SRGAP2B: variants seen among roughly 807,000 people sequenced by gnomAD.
SRGAP2B encodes SLIT-ROBO Rho GTPase activating protein 2B.
SRGAP2B carries 9 observed loss-of-function variants against 22.2 expected under a neutral mutation model. The observed-to-expected ratio is 0.41, with a 90% CI of 0.24 to 0.71. The LOEUF is 0.71. Ranked by LOEUF, SRGAP2B falls within the 30% of genes least tolerant of loss-of-function variation. The probability of loss-of-function intolerance (pLI) is 0.35; values close to 1 mark genes in which losing one functional copy is unlikely to be tolerated. For missense variants in SRGAP2B, 114 were observed against 235.8 expected, an observed-to-expected ratio of 0.48 and a Z score of 3.38; for synonymous variants, 36 against 87.4, an observed-to-expected ratio of 0.41 and a Z score of 3.28.
rs1377247879 is a variant in SRGAP2B at position 144,915,401 on chromosome 1, G to A, written c.424-647C>T. On this transcript the variant is annotated intron_variant, in intron 4 of 9. Transcript: ENST00000612199. ...TGGGTTCTTTGCTGCTGCCACCCAGGGCTGACATCTAACTACATAGAGCAG... is the reference window on the plus strand; with the variant it reads ...TGGGTTCTTTGCTGCTGCCACCCAGAGCTGACATCTAACTACATAGAGCAG... 2.6e-4 allele frequency among the ~76,000 whole-genome samples: 39 copies of A among 150,654 alleles called. 3 individuals are homozygous for A. The highest frequency in any genetic ancestry group is 8.2e-4 in the African/African-American group (33 of 40,232).
intron 2 of SRGAP2B, among the ~76,000 whole-genome samples, chr1:145,022,919 C>A (rs1647306044): frequency 6.7e-6 from 1 of 149,404 alleles, no homozygotes; most frequent in South Asian, 2.1e-4. Flanking sequence ...GTAATCCCAG[C>A]ACTTTGGGAG....
chr1:144,954,599 G>A (rs1396870083), intron 4 of SRGAP2B, among the ~76,000 whole-genome samples: 1 of 150,578 alleles, frequency 6.6e-6, no homozygotes, highest in Non-Finnish European at 1.5e-5. Flanking sequence ...GGCCTTCACC[G>A]CTGTCTGTAA....
In SRGAP2B at chr1:144,994,998, G is replaced by C. The variant is rs1670560400; in HGVS notation, c.260+10C>G. ...AAGGTCTCAGAGAGTAATAGCCACAGAGCCCCTACTTGAATTGCTGGTCCT... is the reference window on the plus strand; with the variant it reads ...AAGGTCTCAGAGAGTAATAGCCACACAGCCCCTACTTGAATTGCTGGTCCT... On this transcript the variant is annotated intron_variant, in intron 3 of 9. Transcript: ENST00000612199. The C allele has an allele frequency of 3.1e-5, 47 of 1,501,584 alleles. No individual in the cohort carries two copies. Among genetic ancestry groups the C allele is most frequent in the Non-Finnish European group, 4.0e-5 (45 of 1,126,770 alleles). The allele number at this position is 1,501,584 out of a possible 1,614,324, so 93.0% of individuals were successfully genotyped here.
intron 2 of SRGAP2B, among the ~76,000 whole-genome samples, chr1:145,030,276 CATAT>C (rs1648120125): frequency 6.7e-6 from 1 of 150,130 alleles, no homozygotes; most frequent in Admixed American, 6.6e-5. Flanking sequence ...TTTTTCAGAA[CATAT>C]ATCATTTACA....
At chr1:145,007,561 C>T (rs1414961750) in intron 2 of SRGAP2B, among the ~76,000 whole-genome samples, 9 of 150,602 alleles carry the variant, frequency 6.0e-5, no homozygotes, top group East Asian at 1.9e-4. Flanking sequence ...CTGGAGAGGC[C>T]GCAGAGAAAA....
chr1:144,966,901 T>C (rs1322410990), intron 3 of SRGAP2B, among the ~76,000 whole-genome samples: 12 of 146,944 alleles, frequency 8.2e-5, no homozygotes, highest in Admixed American at 6.0e-4. Context: ...AGAAGGCCAT[T>C]ACATAATGGT....
chr1:144,986,461 G>A (rs1669723915), intron 3 of SRGAP2B, among the ~76,000 whole-genome samples: 1 of 149,832 alleles, frequency 6.7e-6, no homozygotes, highest in Non-Finnish European at 1.5e-5. Context: ...TTCACCGACT[G>A]AATGAAAATA....
intron 2 of SRGAP2B, among the ~76,000 whole-genome samples, chr1:145,019,834 C>T (rs587701682): frequency 6.7e-6 from 1 of 149,596 alleles, no homozygotes; most frequent in East Asian, 2.0e-4. Context: ...CTCCTAAAAA[C>T]CTCTCACCCT....
chr1:145,085,159 C>CAGG (rs1653305563), intron 2 of SRGAP2B, among the ~76,000 whole-genome samples: 1 of 151,596 alleles, frequency 6.6e-6, no homozygotes, highest in Non-Finnish European at 1.5e-5. Context: ...CCAGGCTGGT[C>CAGG]TCGAACTCCT....
intron 2 of SRGAP2B, among the ~76,000 whole-genome samples, chr1:144,998,557 A>G (rs1553618970): frequency 1.3e-5 from 2 of 150,138 alleles, no homozygotes. Flanking sequence ...GCCAAAAAGA[A>G]GAAGAGGAAG....
At chr1:144,997,203 C>T (rs112488817) in intron 2 of SRGAP2B, among the ~76,000 whole-genome samples, 5 of 150,302 alleles carry the variant, frequency 3.3e-5, no homozygotes, top group Non-Finnish European at 7.4e-5. Context: ...CCGAGGCGGG[C>T]GGATCACAAG....
intron 2 of SRGAP2B, among the ~76,000 whole-genome samples, chr1:145,006,094 C>T (rs147465541): frequency 2.7e-5 from 4 of 150,884 alleles, no homozygotes; most frequent in African/African-American, 9.9e-5. Flanking sequence ...GCCTTCTACC[C>T]CTGCGGCGTG....
At chr1:144,994,582 GA>G (rs1670522043) in intron 3 of SRGAP2B, among the ~76,000 whole-genome samples, 1 of 147,270 alleles carries the variant, frequency 6.8e-6, no homozygotes, top group African/African-American at 2.6e-5. Context: ...GAGAGAGAGA[GA>G]GAGAGAGAGA....
chr1:144,992,088 C>T (rs1163720402), intron 3 of SRGAP2B, among the ~76,000 whole-genome samples: 2 of 150,320 alleles, frequency 1.3e-5, no homozygotes, highest in Admixed American at 1.3e-4. Flanking sequence ...CACAAGCCCA[C>T]CGGGAGGAAC....
At chr1:144,991,361 G>T (rs1322864273) in intron 3 of SRGAP2B, among the ~76,000 whole-genome samples, 1 of 150,410 alleles carries the variant, frequency 6.6e-6, no homozygotes. Context: ...CTCAAGGTTT[G>T]TAAGTGCACC....
Position 145,031,826 on chromosome 1 carries a change from G to A in SRGAP2B, c.68-36626C>T, listed in dbSNP as rs1160716242. Among the ~76,000 whole-genome samples, 577 of 132,176 alleles carry A rather than the reference G, an allele frequency of 4.4e-3. 6 individuals are homozygous for A. The highest frequency in any genetic ancestry group is 6.9e-3 in the Non-Finnish European group (445 of 64,262). 86.7% of individuals were successfully genotyped at this position (132,176 alleles called of 152,430 possible). On this transcript the variant is annotated intron_variant, in intron 2 of 9. Transcript: ENST00000612199. ...TGCGCCACTGCACTCCAGCCTGGGC[G>A]ACAGAGCAAGACTCCGTCTCAAAAA...
chr1:144,952,616 C>A (rs1666960976), intron 4 of SRGAP2B, among the ~76,000 whole-genome samples: 1 of 150,112 alleles, frequency 6.7e-6, no homozygotes, highest in South Asian at 2.1e-4. Flanking sequence ...GTTGCCCAGG[C>A]TGGAGTGCAG....
chr1:145,002,618 G>T (rs1671274999), intron 2 of SRGAP2B, among the ~76,000 whole-genome samples: 1 of 150,040 alleles, frequency 6.7e-6, no homozygotes, highest in Non-Finnish European at 1.5e-5. Flanking sequence ...CTTTGCCTTG[G>T]ATTTTTGGTC....
intron 2 of SRGAP2B, among the ~76,000 whole-genome samples, chr1:144,996,074 T>C (rs1670653721): frequency 6.6e-6 from 1 of 151,136 alleles, no homozygotes; most frequent in South Asian, 2.1e-4. Context: ...TGTATGGAGC[T>C]AGCAAACACT....
Sources: gnomAD v4.1 joint callset for allele counts (sites outside exome capture counted in the v4.1 genomes callset) on GRCh38, gnomAD v4.1.1 for gene constraint, MANE v1.5 for transcripts, NCBI Gene and HGNC (gene_info 2026-07-23, HGNC 2026-07-21) for gene names.